Variants in CFAP57 observed in about 807,000 individuals in gnomAD.
CFAP57 encodes cilia and flagella associated protein 57, also known as cilia- and flagella-associated protein 57.
A neutral mutation model predicts 146.8 loss-of-function variants in CFAP57; 116 were observed. That is an observed-to-expected ratio of 0.79 (90% CI 0.68 to 0.92). CFAP57 has a LOEUF of 0.92. CFAP57 is among the 40% of genes least tolerant of loss of function. CFAP57 has a pLI of 0.00. For synonymous variants in CFAP57, 518 were observed against 552.8 expected, an observed-to-expected ratio of 0.94 and a Z score of 0.88; for missense variants, 1,377 against 1,527.2, an observed-to-expected ratio of 0.90 and a Z score of 1.64.
At chr1:43,196,230 G>A (rs1449028182) in intron 6 of CFAP57, among the ~76,000 whole-genome samples, 4 of 152,204 alleles carry the variant, frequency 2.6e-5, no homozygotes, top group African/African-American at 9.6e-5. Flanking sequence ...AGGCAGAGGG[G>A]GAAGAGAGAG....
Position 43,186,705 on chromosome 1 carries a change from A to G in CFAP57, c.970-2A>G, listed in dbSNP as rs1489788424. Reference sequence around the variant, plus strand: ...CTGATAGCTGTTTTGCATTTTGGGCAGATTCCTGTGGACCCGCAGAGCAAT... The same window carrying G: ...CTGATAGCTGTTTTGCATTTTGGGCGGATTCCTGTGGACCCGCAGAGCAAT... On this transcript the variant is annotated splice_acceptor_variant, in intron 5 of 22. Transcript: ENST00000372492. LOFTEE classifies it high-confidence loss of function. The G allele has an allele frequency of 1.2e-6, 2 of 1,613,688 alleles. No homozygotes were observed. Among genetic ancestry groups the G allele is most frequent in the South Asian group, 1.1e-5 (1 of 91,058 alleles).
rs1216330018 is a variant in CFAP57 at position 43,219,442 on chromosome 1, C to T, written c.2152C>T (p.Gln718Ter). 1.3e-6 allele frequency: 2 copies of T among 1,550,576 alleles called. No homozygotes were observed. Among genetic ancestry groups the T allele is most frequent in the Non-Finnish European group, 1.7e-6 (2 of 1,146,972 alleles). ...GGAATTAAAAATGGAGAATGAGTATCAACTCCGACTAAAGGACATGAACTA... is the reference window on the plus strand; with the variant it reads ...GGAATTAAAAATGGAGAATGAGTATTAACTCCGACTAAAGGACATGAACTA... ...VEELKMENEYQLRLKDMNYSE... is the reference protein window; with the variant it reads ...VEELKMENEY Residue 718 changes from glutamine to a stop codon, truncating the protein, a stop_gained, in exon 13 of 23, where the codon CAA becomes TAA. Transcript: ENST00000372492. LOFTEE classifies it high-confidence loss of function.
chr1:43,183,747 A>C lies in CFAP57; in HGVS notation c.631A>C (p.Ile211Leu), dbSNP rs1388548521. 1.2e-6 allele frequency: 2 copies of C among 1,614,022 alleles called. No homozygotes were observed. The highest frequency in any genetic ancestry group is 1.7e-5 in the Admixed American group (1 of 60,000). ...LAHTWVADDK[I>L]VVGTDTGKLF... ...TCACACCTGGGTGGCTGATGACAAG[A>C]TTGTCGTTGGCACTGACACAGGCAA... Residue 211 changes from isoleucine (I) to leucine (L), a missense_variant, in exon 4 of 23, where the codon ATT becomes CTT. Coordinates refer to ENST00000372492, the MANE Select transcript of CFAP57 (RefSeq NM_001378189.1).
At chr1:43,226,901 G>A (rs1243936008) in intron 17 of CFAP57, 82 bp from the exon 18 acceptor site, 9 of 1,393,470 alleles carry the variant, frequency 6.5e-6, no homozygotes, top group Admixed American at 3.0e-5. Context: ...AGAGTCACAG[G>A]CTTCGTGCTC....
In CFAP57 at chr1:43,215,281, CCTGCTGA is replaced by C. The variant is rs1557786529; in HGVS notation, c.1963_1969del (p.Thr655LeufsTer33). On this transcript the variant is annotated frameshift_variant, in exon 12 of 23. Transcript: ENST00000372492. LOFTEE classifies it high-confidence loss of function. Reference sequence around the variant, plus strand: ...TGTTGCTTACCTTTGATGATCAGTTCCTGCTGACTGCTGCTGAGGATGGCTGCCTGTT... The same window carrying C: ...TGTTGCTTACCTTTGATGATCAGTTCCTGCTGCTGAGGATGGCTGCCTGTT... The C allele has an allele frequency of 1.3e-6, 2 of 1,551,188 alleles. No individual in the cohort carries two copies. Among genetic ancestry groups the C allele is most frequent in the East Asian group, 4.9e-5 (2 of 40,914 alleles).
intron 6 of CFAP57, among the ~76,000 whole-genome samples, chr1:43,191,935 G>A (rs1309156862): frequency 6.6e-6 from 1 of 151,606 alleles, no homozygotes; most frequent in Non-Finnish European, 1.5e-5. Context: ...GCTATGTTAT[G>A]TCTTTATTTT....
chr1:43,214,850 A>G (rs981642276), intron 11 of CFAP57, among the ~76,000 whole-genome samples: 4 of 152,144 alleles, frequency 2.6e-5, no homozygotes, highest in African/African-American at 9.7e-5. Context: ...TCATGGTCCT[A>G]ATTTTGCATT....
chr1:43,182,374 AG>A (rs1645449916), intron 3 of CFAP57, among the ~76,000 whole-genome samples: 1 of 152,132 alleles, frequency 6.6e-6, no homozygotes, highest in Admixed American at 6.5e-5. Flanking sequence ...TGGCTTAGGC[AG>A]GGGGTCCCAA....
intron 10 of CFAP57, among the ~76,000 whole-genome samples, chr1:43,208,778 G>C (rs950175187): frequency 2.7e-5 from 4 of 148,930 alleles, no homozygotes; most frequent in African/African-American, 1.0e-4. Context: ...ATGTACCCTA[G>C]AACTTAAAGT....
At chr1:43,194,722 T>A (rs1293174810) in intron 6 of CFAP57, 1 of 152,188 alleles carries the variant, frequency 6.6e-6, no homozygotes, top group Non-Finnish European at 1.5e-5. Flanking sequence ...GATCTATTCT[T>A]GAGCACCTCT....
At chr1:43,173,004 C>A in intron 2 of CFAP57, 94 bp downstream of exon 2, 1 of 1,199,300 alleles carries the variant, frequency 8.3e-7, no homozygotes, top group Non-Finnish European at 1.2e-6. Context: ...AAGATTTTGG[C>A]CAATTTGAAT....
chr1:43,243,370 C>T lies in CFAP57; in HGVS notation c.3538+11C>T. On this transcript the variant is annotated intron_variant, in intron 22 of 22. Coordinates refer to ENST00000372492, the MANE Select transcript of CFAP57 (RefSeq NM_001378189.1). Reference sequence around the variant, plus strand: ...AAGTTTCAGAGACAGGTAATATCACCAGTGGCCAGGGGAGATGGGCACTGG... The same window carrying T: ...AAGTTTCAGAGACAGGTAATATCACTAGTGGCCAGGGGAGATGGGCACTGG... The T allele has an allele frequency of 6.6e-7, 1 of 1,525,954 alleles. No homozygotes were observed. Among genetic ancestry groups the T allele is most frequent in the Non-Finnish European group, 8.8e-7 (1 of 1,132,082 alleles). The allele number at this position is 1,525,954 out of a possible 1,614,324, so 94.5% of individuals were successfully genotyped here.
rs548440281 is a variant in CFAP57 at position 43,218,398 on chromosome 1, G to A, written c.2092-984G>A. Among the ~76,000 whole-genome samples the A allele has an allele frequency of 5.6e-4, 85 of 152,158 alleles. No individual in the cohort carries two copies. In the South Asian group the frequency reaches 0.015, roughly 27 times the overall value. On this transcript the variant is annotated intron_variant, in intron 12 of 22. Transcript: ENST00000372492. ...GAGGACTGCTTGAGCCCAAGAGTTCGAGACCAGCCTGGGCAACATAGTGAG... is the reference window on the plus strand; with the variant it reads ...GAGGACTGCTTGAGCCCAAGAGTTCAAGACCAGCCTGGGCAACATAGTGAG...
chr1:43,233,177 T>C (rs1645542497), intron 19 of CFAP57, among the ~76,000 whole-genome samples: 1 of 152,210 alleles, frequency 6.6e-6, no homozygotes, highest in Non-Finnish European at 1.5e-5. Context: ...AGGCCACTCC[T>C]TAACATTTGT....
chr1:43,191,165 A>G (rs1021118356), intron 6 of CFAP57, among the ~76,000 whole-genome samples: 4 of 151,962 alleles, frequency 2.6e-5, no homozygotes, highest in African/African-American at 9.7e-5. Context: ...TAGATTGTCT[A>G]TTTCTTCTTG....
intron 11 of CFAP57, among the ~76,000 whole-genome samples, chr1:43,213,860 A>C (rs1360162645): frequency 6.7e-6 from 1 of 149,386 alleles, no homozygotes; most frequent in African/African-American, 2.5e-5. Flanking sequence ...TCTTCTTTTG[A>C]GAAATGTCTA....
chr1:43,228,254 C>T (rs962943497), intron 18 of CFAP57, among the ~76,000 whole-genome samples: 2 of 152,248 alleles, frequency 1.3e-5, no homozygotes, highest in African/African-American at 2.4e-5. Flanking sequence ...CTGTAAGTCA[C>T]GCTTTTCCAT....
intron 6 of CFAP57, among the ~76,000 whole-genome samples, chr1:43,190,492 G>A (rs1349281135): frequency 6.6e-5 from 10 of 152,054 alleles, no homozygotes; most frequent in South Asian, 2.1e-4. Context: ...GGATGGTCTC[G>A]ATCTCCTGAT....
intron 2 of CFAP57, among the ~76,000 whole-genome samples, chr1:43,175,319 A>G (rs1268467749): frequency 6.6e-6 from 1 of 151,914 alleles, no homozygotes; most frequent in Non-Finnish European, 1.5e-5. Flanking sequence ...ATGTATATAT[A>G]CATAGTATAT....
Sources: allele counts gnomAD v4.1 joint callset (sites outside exome capture counted in the v4.1 genomes callset), GRCh38; gene constraint gnomAD v4.1.1; transcripts MANE v1.5; gene names NCBI Gene and HGNC (gene_info 2026-07-23, HGNC 2026-07-21).